Variants in DGLUCY observed in about 807,000 individuals in gnomAD.
DGLUCY encodes D-glutamate cyclase, mitochondrial.
A neutral mutation model predicts 58.5 loss-of-function variants in DGLUCY; 58 were observed. The ratio of observed to expected loss-of-function variants is 0.99; its 90% CI spans 0.80 to 1.23. The LOEUF (loss-of-function observed/expected upper bound fraction) is 1.23, where lower values mean the gene tolerates loss of function less well. DGLUCY is among the 50% of genes most tolerant of loss of function. The probability of loss-of-function intolerance (pLI) is 0.00; values close to 1 mark genes in which losing one functional copy is unlikely to be tolerated. For synonymous variants in DGLUCY, 325 were observed against 314.1 expected (o/e 1.03, Z -0.37); for missense variants, 779 against 784.7 (o/e 0.99, Z 0.09).
In DGLUCY at chr14:91,199,755, A is replaced by C. The variant is rs144412215; in HGVS notation, c.1296-2A>C. 20 of 1,613,980 alleles carry C rather than the reference A, an allele frequency of 1.2e-5. No homozygotes were observed. The highest frequency in any genetic ancestry group is 1.7e-5 in the Admixed American group (1 of 59,996). On this transcript the variant is annotated splice_acceptor_variant, in intron 10 of 13. Coordinates refer to ENST00000256324, the MANE Select transcript of DGLUCY (RefSeq NM_001102368.3). LOFTEE classifies it high-confidence loss of function. ...TGACCTCTGACCTTTGCTTCCCGGCAGATTTGACCACCTGGTGGCCATAGA... is the reference window on the plus strand; with the variant it reads ...TGACCTCTGACCTTTGCTTCCCGGCCGATTTGACCACCTGGTGGCCATAGA...
chr14:91,124,605 G>A (rs1357135088), intron 1 of DGLUCY, among the ~76,000 whole-genome samples: 1 of 152,198 alleles, frequency 6.6e-6, no homozygotes, highest in Non-Finnish European at 1.5e-5. Flanking sequence ...GGGGTTGGTT[G>A]TAACTCACTC....
At chr14:91,142,684 C>T (rs534092155) in intron 1 of DGLUCY, among the ~76,000 whole-genome samples, 1 of 152,060 alleles carries the variant, frequency 6.6e-6, no homozygotes, top group South Asian at 2.1e-4. Flanking sequence ...CGTAGCTGGC[C>T]ACGGTGGCTT....
chr14:91,124,945 C>T (rs1229193612), intron 1 of DGLUCY, among the ~76,000 whole-genome samples: 1 of 152,246 alleles, frequency 6.6e-6, no homozygotes, highest in Admixed American at 6.5e-5. Flanking sequence ...TAGGTCATAG[C>T]CTGTTCCTCT....
intron 1 of DGLUCY, among the ~76,000 whole-genome samples, chr14:91,096,839 C>T (rs2044403570): frequency 6.6e-6 from 1 of 152,180 alleles, no homozygotes; most frequent in South Asian, 2.1e-4. Flanking sequence ...GGGAGTGGGT[C>T]AGCTGTAGTC....
chr14:91,124,298 T>C (rs1166716117), intron 1 of DGLUCY, among the ~76,000 whole-genome samples: 1 of 152,180 alleles, frequency 6.6e-6, no homozygotes, highest in Admixed American at 6.6e-5. Context: ...TAATTTGCTG[T>C]CAAGGAGCTG....
rs549608076 is a variant in DGLUCY at position 91,185,750 on chromosome 14, G to A, written c.935-3160G>A. ...GGGAAGTAAATTTATTGCAGATGTG[G>A]TGCACCCATTGCTTAATAAAACAAG... On this transcript the variant is annotated intron_variant, in intron 8 of 13. Coordinates refer to ENST00000256324, the MANE Select transcript of DGLUCY (RefSeq NM_001102368.3). Among the ~76,000 whole-genome samples the A allele has an allele frequency of 4.6e-5, 7 of 151,812 alleles. No individual in the cohort carries two copies. In the East Asian group the frequency reaches 1.2e-3, roughly 25 times the overall value.
chr14:91,190,253 C>T (rs1254699646), intron 9 of DGLUCY, among the ~76,000 whole-genome samples: 2 of 152,068 alleles, frequency 1.3e-5, no homozygotes, highest in African/African-American at 2.4e-5. Context: ...TCCCAAAGTG[C>T]TGGGATTACA....
chr14:91,112,699 A>G (rs1352555536), upstream of DGLUCY, among the ~76,000 whole-genome samples: 2 of 152,176 alleles, frequency 1.3e-5, no homozygotes, highest in Non-Finnish European at 2.9e-5. Context: ...AGCAAAAACA[A>G]AAAACCAAAA....
chr14:91,157,222 GAT>G (rs2047701248), intron 1 of DGLUCY, among the ~76,000 whole-genome samples: 2 of 143,836 alleles, frequency 1.4e-5, no homozygotes, highest in African/African-American at 5.4e-5. Flanking sequence ...TGGGTGGATG[GAT>G]GGATGGGTGG....
intron 1 of DGLUCY, among the ~76,000 whole-genome samples, chr14:91,149,961 C>T (rs1023881462): frequency 2.6e-5 from 4 of 152,092 alleles, no homozygotes; most frequent in African/African-American, 9.7e-5. Context: ...TGGCTCACAC[C>T]TGTAATCCCA....
intron 10 of DGLUCY, among the ~76,000 whole-genome samples, chr14:91,198,623 C>T (rs191231086): frequency 3.1e-4 from 46 of 150,232 alleles, no homozygotes; most frequent in East Asian, 1.4e-3. Context: ...CTAGGATTAC[C>T]GGTATGAGCC....
intron 4 of DGLUCY, among the ~76,000 whole-genome samples, chr14:91,169,165 C>T (rs534148585): frequency 7.4e-4 from 113 of 152,178 alleles, no homozygotes; most frequent in South Asian, 1.7e-3. Context: ...ACTCTAGCCC[C>T]ATCGCCCAGC....
intron 9 of DGLUCY, among the ~76,000 whole-genome samples, chr14:91,195,027 A>G (rs994949153): frequency 1.3e-5 from 2 of 152,150 alleles, no homozygotes; most frequent in African/African-American, 4.8e-5. Flanking sequence ...TAACATGGGT[A>G]CGGTGCCTCC....
intron 7 of DGLUCY, among the ~76,000 whole-genome samples, chr14:91,176,315 T>A (rs922382398): frequency 2.0e-5 from 3 of 152,132 alleles, no homozygotes; most frequent in Admixed American, 6.5e-5. Context: ...AACCTCCAGC[T>A]CCCTGGTTCA....
intron 1 of DGLUCY, among the ~76,000 whole-genome samples, chr14:91,127,155 C>A (rs1194464616): frequency 2.4e-4 from 36 of 148,146 alleles, no homozygotes; most frequent in Non-Finnish European, 3.1e-4. Context: ...CTCCCAATCT[C>A]AAGCCATCCT....
intron 13 of DGLUCY, chr14:91,216,228 C>T: frequency 6.2e-6 from 1 of 162,130 alleles, no homozygotes; most frequent in South Asian, 1.6e-4. Context: ...GACCGCAGGC[C>T]CACAAGGAGG....
At chr14:91,096,732 C>A (rs1037804152) in intron 1 of DGLUCY, among the ~76,000 whole-genome samples, 1 of 152,114 alleles carries the variant, frequency 6.6e-6, no homozygotes, top group African/African-American at 2.4e-5. Flanking sequence ...AAGGTTTCAG[C>A]GTGTACATTC....
chr14:91,089,654 C>A (rs1334106201), intron 1 of DGLUCY, among the ~76,000 whole-genome samples: 3 of 151,928 alleles, frequency 2.0e-5, no homozygotes, highest in Non-Finnish European at 4.4e-5. Context: ...AATCCCATCT[C>A]TACTAAAAAT....
intron 12 of DGLUCY, among the ~76,000 whole-genome samples, chr14:91,209,345 A>G (rs1345493014): frequency 6.6e-6 from 1 of 152,142 alleles, no homozygotes; most frequent in Non-Finnish European, 1.5e-5. Context: ...AAACAGCAGC[A>G]AATATGGTAG....
Sources: gnomAD v4.1 joint callset for allele counts (sites outside exome capture counted in the v4.1 genomes callset) on GRCh38, gnomAD v4.1.1 for gene constraint, MANE v1.5 for transcripts, NCBI Gene and HGNC (gene_info 2026-07-23, HGNC 2026-07-21) for gene names.